Variants in CDH4 observed in about 807,000 individuals in gnomAD.
CDH4 encodes cadherin 4, also known as cadherin-4.
Under a neutral mutation model 86.0 loss-of-function variants are expected in CDH4, and 33 were observed. That is an observed-to-expected ratio of 0.38 (90% confidence interval 0.29 to 0.51). CDH4 has a LOEUF of 0.51. CDH4 is among the 20% of genes least tolerant of loss of function. CDH4 has a pLI of 0.86. For synonymous variants in CDH4, 555 were observed against 549.4 expected (o/e 1.01, Z -0.14); for missense variants, 1,114 against 1,307.4 (o/e 0.85, Z 2.28).
intron 7 of CDH4, among the ~76,000 whole-genome samples, chr20:61,884,186 T>C (rs137895214): frequency 1.4e-4 from 21 of 152,178 alleles, no homozygotes; most frequent in Admixed American, 4.6e-4. Context: ...GTGCAGAGGC[T>C]CTGGGCCACC....
intron 2 of CDH4, among the ~76,000 whole-genome samples, chr20:61,265,679 C>T (rs1333081130): frequency 1.3e-5 from 2 of 152,170 alleles, no homozygotes; most frequent in African/African-American, 2.4e-5. Flanking sequence ...ACACATACCT[C>T]GCAATCTTAC....
intron 2 of CDH4, among the ~76,000 whole-genome samples, chr20:61,691,037 A>ACCTTTT (rs1371952677): frequency 1.3e-5 from 2 of 152,136 alleles, no homozygotes; most frequent in Non-Finnish European, 2.9e-5. Flanking sequence ...AGCATTTGGT[A>ACCTTTT]CCTTTTCCTT....
chr20:61,877,918 C>T (rs570992005), intron 7 of CDH4, among the ~76,000 whole-genome samples: 4 of 152,242 alleles, frequency 2.6e-5, no homozygotes, highest in South Asian at 4.1e-4. Context: ...TGGGAGGACC[C>T]CCAGGCAGGG....
At chr20:61,787,990 C>A (rs1197574661) in intron 4 of CDH4, among the ~76,000 whole-genome samples, 1 of 152,176 alleles carries the variant, frequency 6.6e-6, no homozygotes, top group Non-Finnish European at 1.5e-5. Flanking sequence ...GTGGTTGATT[C>A]TGAAACCCAA....
At chr20:61,344,303 T>C (rs2084665053) in intron 2 of CDH4, among the ~76,000 whole-genome samples, 1 of 152,228 alleles carries the variant, frequency 6.6e-6, no homozygotes, top group Non-Finnish European at 1.5e-5. Flanking sequence ...AAGGGGGCTG[T>C]ACATGGACTG....
intron 7 of CDH4, among the ~76,000 whole-genome samples, chr20:61,893,234 C>G (rs60087522): frequency 0.84 from 30,926 of 36,948 alleles, 15,073 homozygotes; most frequent in Non-Finnish European, 0.88. Context: ...TGGGTGACCA[C>G]AGGGATGGTG....
chr20:61,280,028 G>A (rs924576003), intron 2 of CDH4, among the ~76,000 whole-genome samples: 1 of 152,168 alleles, frequency 6.6e-6, no homozygotes, highest in Admixed American at 6.5e-5. Context: ...CTGCAGCTGT[G>A]TGGGTGGGGC....
At chr20:61,457,588 C>T (rs117282083) in intron 2 of CDH4, among the ~76,000 whole-genome samples, 5,039 of 151,864 alleles carry the variant, frequency 0.033, 122 homozygotes, top group South Asian at 0.068. Context: ...GGTGATGGTA[C>T]GATGGTCATG....
In CDH4 at chr20:61,269,718, C is replaced by T. The variant is rs1238804301; in HGVS notation, c.169+14781C>T. On this transcript the variant is annotated intron_variant, in intron 2 of 15. Coordinates refer to ENST00000614565, the MANE Select transcript of CDH4 (RefSeq NM_001794.5). This position sits in a 1 kb window ranked among gnomAD's most constrained non-coding sequence, Gnocchi z 5.3. ...GCCCTCCTGCTCTCCTCCTCCTCTT[C>T]TGGTCCCTGTGAAGTGACCTGCCTG... Among the ~76,000 whole-genome samples, 5 of 152,230 alleles carry T rather than the reference C, an allele frequency of 3.3e-5. No homozygotes were observed. Among genetic ancestry groups the T allele is most frequent in the Admixed American group, 2.6e-4 (4 of 15,290 alleles).
chr20:61,785,092 T>C (rs903738865), intron 4 of CDH4, among the ~76,000 whole-genome samples: 3 of 152,190 alleles, frequency 2.0e-5, no homozygotes, highest in Non-Finnish European at 4.4e-5. Context: ...CACTCCTCCC[T>C]GGCTCTGCCC....
intron 2 of CDH4, among the ~76,000 whole-genome samples, chr20:61,551,513 G>A (rs182662345): frequency 0.026 from 3,966 of 152,252 alleles, 107 homozygotes; most frequent in Non-Finnish European, 0.036. Flanking sequence ...CATCCCAGGG[G>A]CAGCCACTCT....
intron 7 of CDH4, among the ~76,000 whole-genome samples, chr20:61,874,370 A>C (rs540470924): frequency 7.6e-4 from 115 of 152,308 alleles, no homozygotes; most frequent in African/African-American, 2.6e-3. Context: ...CTTTTCACAC[A>C]GCCTGAAACC....
chr20:61,817,776 C>CT (rs1156471436), intron 4 of CDH4, among the ~76,000 whole-genome samples: 1 of 152,204 alleles, frequency 6.6e-6, no homozygotes, highest in African/African-American at 2.4e-5. Context: ...GGCCAGGCTG[C>CT]TGAGAGCAAG....
In CDH4 at chr20:61,582,823, G is replaced by A. The variant is rs1376610528; in HGVS notation, c.170-160740G>A. On this transcript the variant is annotated intron_variant, in intron 2 of 15. Transcript: ENST00000614565. This position sits in a 1 kb window ranked among gnomAD's most constrained non-coding sequence, Gnocchi z 4.2. ...CCTACACTCCACTCATCTAAGCTGT[G>A]CAAATCAACGATGTCTACATTCAGA... Among the ~76,000 whole-genome samples the A allele has an allele frequency of 1.3e-5, 2 of 152,292 alleles. No individual in the cohort carries two copies. The highest frequency in any genetic ancestry group is 3.9e-4 in the East Asian group (2 of 5,152).
At chr20:61,853,666 G>A (rs548403755) in intron 6 of CDH4, among the ~76,000 whole-genome samples, 11 of 152,300 alleles carry the variant, frequency 7.2e-5, no homozygotes, top group East Asian at 1.9e-4. Context: ...CCCTCAGGGC[G>A]CACATGGGTT....
At chr20:61,659,533 G>A (rs1034572194) in intron 2 of CDH4, among the ~76,000 whole-genome samples, 24 of 152,030 alleles carry the variant, frequency 1.6e-4, no homozygotes, top group Non-Finnish European at 2.9e-4. Context: ...CTTGGAGACA[G>A]GAGGAGGGTG....
intron 2 of CDH4, among the ~76,000 whole-genome samples, chr20:61,553,181 C>T (rs1304509650): frequency 6.6e-6 from 1 of 152,214 alleles, no homozygotes; most frequent in African/African-American, 2.4e-5. Context: ...TGAAGACAGA[C>T]ACAAACCCAT....
At chr20:61,857,998 T>A (rs1473057999) in intron 6 of CDH4, among the ~76,000 whole-genome samples, 1 of 151,892 alleles carries the variant, frequency 6.6e-6, no homozygotes, top group Middle Eastern at 3.2e-3. Context: ...TGTGTGTCTC[T>A]GTGTGTCTCT....
intron 5 of CDH4, among the ~76,000 whole-genome samples, chr20:61,851,690 C>T (rs561763017): frequency 2.2e-4 from 34 of 152,322 alleles, no homozygotes; most frequent in African/African-American, 7.5e-4. Context: ...CTTTCCACTC[C>T]CCGACAGCCC....
Sources: gnomAD v4.1 joint callset for allele counts (sites outside exome capture counted in the v4.1 genomes callset) on GRCh38, gnomAD v4.1.1 for gene constraint, Gnocchi (gnomAD v3.1) non-coding constraint, MANE v1.5 for transcripts, NCBI Gene and HGNC (gene_info 2026-07-23, HGNC 2026-07-21) for gene names.